TMPRSS13: variants seen among roughly 807,000 people sequenced by gnomAD.
The protein encoded by TMPRSS13 is transmembrane serine protease 13.
Under a neutral mutation model 68.4 loss-of-function variants are expected in TMPRSS13, and 50 were observed. The ratio of observed to expected loss-of-function variants is 0.73; its 90% CI spans 0.58 to 0.93. The LOEUF is 0.93. Among genes scored for constraint, TMPRSS13 ranks in the 40% least tolerant of loss-of-function variants. The pLI is 0.00. For missense variants in TMPRSS13, 615 were observed against 729.2 expected, an observed-to-expected ratio of 0.84 and a Z score of 1.80; for synonymous variants, 267 against 285.8, an observed-to-expected ratio of 0.93 and a Z score of 0.66.
chr11:117,914,840 G>T lies in TMPRSS13; in HGVS notation c.557-326C>A, dbSNP rs926330162. Among the ~76,000 whole-genome samples, 4 of 152,106 alleles carry T rather than the reference G, an allele frequency of 2.6e-5. No individual in the cohort carries two copies. The highest frequency in any genetic ancestry group is 4.4e-5 in the Non-Finnish European group (3 of 68,012). On this transcript the variant is annotated intron_variant, in intron 3 of 12. Coordinates refer to ENST00000524993, the MANE Select transcript of TMPRSS13 (RefSeq NM_001077263.3). The surrounding 1 kb of genome is among the most constrained non-coding windows in gnomAD (Gnocchi z 4.2). ...TCCCTACATGCTGGCCAACATAGTG[G>T]CCAGAGAAACCACCTCCTCCAGTAT...
intron 6 of TMPRSS13, among the ~76,000 whole-genome samples, chr11:117,910,987 T>C (rs2057517614): frequency 6.6e-6 from 1 of 152,148 alleles, no homozygotes; most frequent in Non-Finnish European, 1.5e-5. Flanking sequence ...CTCAACTAGT[T>C]TCCTTGTGGC....
At chr11:117,912,663 T>G (rs1039717504) in intron 5 of TMPRSS13, among the ~76,000 whole-genome samples, 1 of 152,316 alleles carries the variant, frequency 6.6e-6, no homozygotes, top group South Asian at 2.1e-4. Flanking sequence ...TCTCCACCAG[T>G]GCAGTTAGGC....
chr11:117,922,496 G>A lies in TMPRSS13; in HGVS notation c.22-3658C>T, dbSNP rs2057658682. Reference sequence around the variant, plus strand: ...GCCCGCCTCAGCCTCCCAAAGTGCTGGGATTACAGGCGTGAGCCACCGCGC... The same window carrying A: ...GCCCGCCTCAGCCTCCCAAAGTGCTAGGATTACAGGCGTGAGCCACCGCGC... On this transcript the variant is annotated intron_variant, in intron 1 of 12. Transcript: ENST00000524993. This position sits in a 1 kb window ranked among gnomAD's most constrained non-coding sequence, Gnocchi z 4.2. Among the ~76,000 whole-genome samples, 2 of 152,218 alleles carry A rather than the reference G, an allele frequency of 1.3e-5. No individual in the cohort carries two copies. The highest frequency in any genetic ancestry group is 4.1e-4 in the South Asian group (2 of 4,824).
Position 117,911,802 on chromosome 11 carries a change from T to C in TMPRSS13, c.868A>G (p.Arg290Gly). 1 of 1,613,994 alleles carries C rather than the reference T, an allele frequency of 6.2e-7. No homozygotes were observed. Among genetic ancestry groups the C allele is most frequent in the Non-Finnish European group, 8.5e-7 (1 of 1,179,982 alleles). The change falls in exon 6 of 13, where the codon AGA becomes GGA. Residue 290 changes from arginine to glycine, a missense_variant. By Grantham distance (125) the Arg-to-Gly change is moderately radical. Coordinates refer to ENST00000524993, the MANE Select transcript of TMPRSS13 (RefSeq NM_001077263.3). ...RDFANSFSIL[R>G]YNSTIQESLH... ...CTTTCCTGGATGGTGGAGTTGTATC[T>C]CAAGATTGAGAAGCTGTTGGCAAAA...
rs747103546 is a variant in TMPRSS13, at chr11:117,909,803, T to C, written c.1109+3A>G. 5 of 1,607,902 alleles carry C rather than the reference T, an allele frequency of 3.1e-6. No individual in the cohort carries two copies. Among genetic ancestry groups the C allele is most frequent in the Non-Finnish European group, 4.2e-6 (5 of 1,177,588 alleles). On this transcript the variant is annotated splice_donor_region_variant and intron_variant, in intron 8 of 12. Transcript: ENST00000524993. ...TCAAATCACCTGCCTCTCAGGCACT[T>C]ACACGAAGAAGCAGTGGGCGGCAGT... is the stretch of plus-strand genomic sequence containing the variant.
intron 9 of TMPRSS13, chr11:117,907,643 G>T: frequency 5.1e-6 from 1 of 195,624 alleles, no homozygotes. Flanking sequence ...TCCTCCCTGA[G>T]CCCCCATTAC....
chr11:117,903,642 G>C lies in TMPRSS13; in HGVS notation c.1677+13C>G. On this transcript the variant is annotated intron_variant, in intron 12 of 12. Coordinates refer to ENST00000524993, the MANE Select transcript of TMPRSS13 (RefSeq NM_001077263.3). ...AGCCTGCTGGGTGCAGTGTCCTGCT[G>C]CAGGGATCTTACCTCCATCTTGCTG... is the stretch of plus-strand genomic sequence containing the variant. 1 of 1,614,142 alleles carries C rather than the reference G, an allele frequency of 6.2e-7. No homozygotes were observed. The highest frequency in any genetic ancestry group is 8.5e-7 in the Non-Finnish European group (1 of 1,180,006).
chr11:117,908,169 G>A, intron 9 of TMPRSS13: 2 of 666,418 alleles, frequency 3.0e-6, no homozygotes, highest in Non-Finnish European at 4.1e-6. Flanking sequence ...TGTGGCCTCA[G>A]GTAATTATCT....
At chr11:117,910,467 C>T (rs1031214758) in intron 7 of TMPRSS13, 7 of 505,892 alleles carry the variant, frequency 1.4e-5, no homozygotes, top group Non-Finnish European at 1.8e-5. Flanking sequence ...AAGACTCAGA[C>T]AGCTTCCTTG....
rs374031454 is a variant in TMPRSS13 at position 117,918,481 on chromosome 11, C to T, written c.379G>A (p.Val127Met). Residue 127 changes from valine to methionine, a missense_variant, in exon 2 of 13, where the codon GTG (valine) becomes ATG (methionine). By Grantham distance (21) the Val-to-Met change is conservative. Transcript: ENST00000524993. ...TRVYLVRATP[V>M]GAVPIRSSPA... is the part of the protein sequence containing the mutation. ...GATGATCGGATGGGTACAGCCCCCA[C>T]TGGTGTTGCTCTAACAAGGTACACT... is the stretch of plus-strand genomic sequence containing the variant. 1.2e-6 allele frequency: 2 copies of T among 1,614,240 alleles called. No individual in the cohort carries two copies. The highest frequency in any genetic ancestry group is 2.2e-5 in the East Asian group (1 of 44,886).
chr11:117,914,336 C>T lies in TMPRSS13; in HGVS notation c.679+56G>A, dbSNP rs1361412977. On this transcript the variant is annotated intron_variant, in intron 4 of 12. Transcript: ENST00000524993. The surrounding 1 kb of genome is among the most constrained non-coding windows in gnomAD (Gnocchi z 4.2). ...ATACACACACACATATACAAACAGG[C>T]ACACAAACACATGCACATGCACACG... 1.1e-5 allele frequency: 17 copies of T among 1,603,334 alleles called. No individual in the cohort carries two copies. Among genetic ancestry groups the T allele is most frequent in the Non-Finnish European group, 1.4e-5 (16 of 1,177,128 alleles).
intron 1 of TMPRSS13, among the ~76,000 whole-genome samples, chr11:117,926,439 G>A (rs1423106728): frequency 2.0e-5 from 3 of 152,178 alleles, no homozygotes; most frequent in Non-Finnish European, 2.9e-5. Flanking sequence ...TGGACCAGCG[G>A]TGGGCCCCCA....
intron 1 of TMPRSS13, among the ~76,000 whole-genome samples, chr11:117,921,623 G>A (rs191675524): frequency 1.3e-5 from 2 of 152,316 alleles, no homozygotes; most frequent in Non-Finnish European, 2.9e-5. Flanking sequence ...GGTGGGGAGG[G>A]GGCATTGGTG....
intron 9 of TMPRSS13, among the ~76,000 whole-genome samples, chr11:117,906,668 C>CA (rs2057467521): frequency 6.6e-6 from 1 of 151,978 alleles, no homozygotes; most frequent in African/African-American, 2.4e-5. Context: ...AGAGAGTAAA[C>CA]AAAAAATAGA....
chr11:117,923,838 T>TGAAAA (rs56359328), intron 1 of TMPRSS13, among the ~76,000 whole-genome samples: 1 of 128,156 alleles, frequency 7.8e-6, no homozygotes, highest in African/African-American at 2.8e-5. Context: ...GTATAATAAT[T>TGAAAA]AAAAAAAAAA....
intron 9 of TMPRSS13, 105 bp downstream of exon 9, chr11:117,908,506 GA>G: frequency 7.7e-7 from 1 of 1,294,816 alleles, no homozygotes; most frequent in Non-Finnish European, 1.1e-6. Context: ...CTGCCCTGCA[GA>G]AGCTTTGGGG....
At chr11:117,917,905 C>G (rs1475765687) in intron 2 of TMPRSS13, among the ~76,000 whole-genome samples, 2 of 152,182 alleles carry the variant, frequency 1.3e-5, no homozygotes, top group Non-Finnish European at 2.9e-5. Flanking sequence ...CCTATTCAAC[C>G]TCTCTGACTC....
At chr11:117,918,328 G>T in intron 2 of TMPRSS13, 81 bp downstream of exon 2, 1 of 1,496,654 alleles carries the variant, frequency 6.7e-7, no homozygotes, top group Non-Finnish European at 9.1e-7. Flanking sequence ...TATGAGAGCA[G>T]AGCACACTGG....
intron 5 of TMPRSS13, among the ~76,000 whole-genome samples, chr11:117,913,281 T>A (rs1183341477): frequency 6.6e-6 from 1 of 152,232 alleles, no homozygotes; most frequent in Non-Finnish European, 1.5e-5. Context: ...TTAAAATCTT[T>A]AGAGCCAAAG....
Sources: gnomAD v4.1 joint callset for allele counts (sites outside exome capture counted in the v4.1 genomes callset) on GRCh38, gnomAD v4.1.1 for gene constraint, Gnocchi (gnomAD v3.1) non-coding constraint, MANE v1.5 for transcripts, NCBI Gene and HGNC (gene_info 2026-07-23, HGNC 2026-07-21) for gene names.